Variants in CMC1 observed in about 807,000 individuals in gnomAD.
The protein encoded by CMC1 is C-X9-C motif containing 1, also known as COX assembly mitochondrial protein homolog.
A neutral mutation model predicts 14.1 loss-of-function variants in CMC1; 14 were observed. The observed-to-expected ratio is 0.99, with a 90% CI of 0.66 to 1.55. The LOEUF (loss-of-function observed/expected upper bound fraction) is 1.55. CMC1 is among the 40% of genes most tolerant of loss of function. The probability of loss-of-function intolerance (pLI) is 0.00; values close to 1 mark genes in which losing one functional copy is unlikely to be tolerated. For missense variants in CMC1, 127 were observed against 123.8 expected (o/e 1.03, Z -0.12); for synonymous variants, 50 against 38.4 (o/e 1.30, Z -1.12).
In CMC1 at chr3:28,323,156, C is replaced by CTGCTCTACACAATG. The variant is rs1350497095; in HGVS notation, c.*3531_*3544dup. 1 of 150,714 alleles carries CTGCTCTACACAATG rather than the reference C, an allele frequency of 6.6e-6. No individual in the cohort carries two copies. Among genetic ancestry groups the CTGCTCTACACAATG allele is most frequent in the African/African-American group, 2.4e-5 (1 of 41,170 alleles). 9.3% of individuals were successfully genotyped at this position (150,714 alleles called of 1,614,324 possible). ...AACACAAAGTCTAACAATTTAGAAG[C>CTGCTCTACACAATG]TGCTCTACACAATGTGCAGCTAGCT... On this transcript the variant is annotated 3_prime_UTR_variant, in exon 4 of 4. Coordinates refer to ENST00000466830, the MANE Select transcript of CMC1 (RefSeq NM_182523.2).
At chr3:28,253,594 C>A in intron 1 of CMC1, 3 of 423,926 alleles carry the variant, frequency 7.1e-6, no homozygotes, top group South Asian at 3.9e-5. Flanking sequence ...AAACAAAAAC[C>A]AAAACCAAAA....
At chr3:28,253,536 A>T (rs1245691860) in intron 1 of CMC1, among the ~76,000 whole-genome samples, 1 of 152,092 alleles carries the variant, frequency 6.6e-6, no homozygotes, top group Admixed American at 6.5e-5. Flanking sequence ...AGCTGTGATC[A>T]CGCCATTGCG....
chr3:28,289,165 GA>G (rs1295608747), intron 2 of CMC1, among the ~76,000 whole-genome samples: 1 of 151,328 alleles, frequency 6.6e-6, no homozygotes, highest in African/African-American at 2.4e-5. Context: ...TATTAATTTA[GA>G]GTTATGTTTC....
intron 2 of CMC1, among the ~76,000 whole-genome samples, chr3:28,272,340 G>A (rs752298841): frequency 1.3e-5 from 2 of 152,146 alleles, no homozygotes; most frequent in Non-Finnish European, 2.9e-5. Flanking sequence ...CATTCAGTAT[G>A]ATGTTGGCTG....
chr3:28,304,783 T>G (rs1702225841), intron 2 of CMC1, among the ~76,000 whole-genome samples: 1 of 152,212 alleles, frequency 6.6e-6, no homozygotes. Context: ...ATTCCCTATT[T>G]TACTTGTTCT....
At chr3:28,258,952 A>G (rs1392392243) in intron 1 of CMC1, among the ~76,000 whole-genome samples, 1 of 151,776 alleles carries the variant, frequency 6.6e-6, no homozygotes, top group Non-Finnish European at 1.5e-5. Flanking sequence ...CTTTTGTTAC[A>G]TTACTCTTTT....
intron 2 of CMC1, among the ~76,000 whole-genome samples, chr3:28,264,700 A>G (rs966620122): frequency 7.9e-5 from 12 of 152,144 alleles, no homozygotes; most frequent in African/African-American, 2.7e-4. Flanking sequence ...AACTTAAAAA[A>G]TATATATCCT....
chr3:28,257,908 C>T (rs1018784424), intron 1 of CMC1, among the ~76,000 whole-genome samples: 1 of 152,006 alleles, frequency 6.6e-6, no homozygotes, highest in Non-Finnish European at 1.5e-5. Flanking sequence ...TATCATTTCA[C>T]AGTCCCATCA....
intron 2 of CMC1, among the ~76,000 whole-genome samples, chr3:28,296,177 A>G (rs1227923107): frequency 1.3e-5 from 2 of 152,118 alleles, no homozygotes; most frequent in Admixed American, 6.6e-5. Flanking sequence ...TCAGTAAACT[A>G]GAATGTGACA....
chr3:28,305,147 C>G (rs1702241979), intron 2 of CMC1, among the ~76,000 whole-genome samples: 1 of 152,134 alleles, frequency 6.6e-6, no homozygotes, highest in South Asian at 2.1e-4. Flanking sequence ...CCTGCATACC[C>G]ATTGTTTAGC....
chr3:28,308,702 A>G (rs974714503), intron 2 of CMC1, among the ~76,000 whole-genome samples: 3 of 152,090 alleles, frequency 2.0e-5, no homozygotes, highest in Admixed American at 6.5e-5. Flanking sequence ...TGAAATCTAC[A>G]GGCTGAGCAT....
At chr3:28,292,683 A>C (rs1266504451) in intron 2 of CMC1, 1 of 152,160 alleles carries the variant, frequency 6.6e-6, no homozygotes, top group Non-Finnish European at 1.5e-5. Flanking sequence ...GGATGTTTGT[A>C]TACATTATGG....
chr3:28,281,785 G>A (rs1559420704), intron 2 of CMC1, among the ~76,000 whole-genome samples: 1 of 152,176 alleles, frequency 6.6e-6, no homozygotes, highest in East Asian at 1.9e-4. Flanking sequence ...TTATCAACTG[G>A]ACCTTGAAGT....
At chr3:28,265,468 T>C (rs918116072) in intron 2 of CMC1, among the ~76,000 whole-genome samples, 5 of 152,206 alleles carry the variant, frequency 3.3e-5, no homozygotes, top group African/African-American at 1.2e-4. Context: ...TAGCTTTTGC[T>C]TTATTAAATA....
rs1703173503 is a variant in CMC1, at chr3:28,321,082, A to G, written c.*1453A>G. 1 of 151,408 alleles carries G rather than the reference A, an allele frequency of 6.6e-6. No homozygotes were observed. 9.4% of individuals were successfully genotyped at this position (151,408 alleles called of 1,614,324 possible). ...AGTGAACCACTCAAAAAACTATTTT[A>G]CTTTTATTTGAAATACAAAGAAACC... is the stretch of plus-strand genomic sequence containing the variant. On this transcript the variant is annotated 3_prime_UTR_variant, in exon 4 of 4. Coordinates refer to ENST00000466830, the MANE Select transcript of CMC1 (RefSeq NM_182523.2).
At chr3:28,287,399 C>G (rs1436600891) in intron 2 of CMC1, among the ~76,000 whole-genome samples, 1 of 152,100 alleles carries the variant, frequency 6.6e-6, no homozygotes, top group Non-Finnish European at 1.5e-5. Flanking sequence ...TGGAATCTTT[C>G]TCTGGTGCAA....
intron 2 of CMC1, among the ~76,000 whole-genome samples, chr3:28,275,571 A>T (rs66502736): frequency 0.2 from 30,154 of 151,622 alleles, 3,241 homozygotes; most frequent in Middle Eastern, 0.27. Context: ...CAACCCCCCG[A>T]TTGGGTCTCA....
intron 2 of CMC1, among the ~76,000 whole-genome samples, chr3:28,278,614 T>C (rs879735588): frequency 1.3e-5 from 2 of 152,236 alleles, no homozygotes; most frequent in Non-Finnish European, 2.9e-5. Flanking sequence ...AAACCATAAC[T>C]ACACTGATTT....
At chr3:28,300,596 TTC>T (rs1701975276) in intron 2 of CMC1, among the ~76,000 whole-genome samples, 1 of 93,684 alleles carries the variant, frequency 1.1e-5, no homozygotes, top group Admixed American at 1.0e-4. Flanking sequence ...TCTATCTCTC[TTC>T]CTTCCTTCCT....
Sources: gnomAD v4.1 joint callset for allele counts (sites outside exome capture counted in the v4.1 genomes callset) on GRCh38, gnomAD v4.1.1 for gene constraint, MANE v1.5 for transcripts, NCBI Gene and HGNC (gene_info 2026-07-23, HGNC 2026-07-21) for gene names.